The following SPOP variants were observed in gnomAD, a reference collection of about 807,000 sequenced individuals.
The protein encoded by SPOP is speckle type BTB/POZ protein.
In SPOP, 11 loss-of-function variants were observed where a neutral mutation model predicts 45.6. The observed-to-expected ratio is 0.24, with a 90% CI of 0.15 to 0.40. The LOEUF (loss-of-function observed/expected upper bound fraction) is 0.40. Ranked by LOEUF, SPOP falls within the 10% of genes least tolerant of loss-of-function variation. The pLI is 1.00. For missense variants in SPOP, 152 were observed against 465.6 expected, an observed-to-expected ratio of 0.33 and a Z score of 6.20; for synonymous variants, 166 against 166.3, an observed-to-expected ratio of 1.00 and a Z score of 0.01.
intron 1 of SPOP, among the ~76,000 whole-genome samples, chr17:49,647,259 G>A (rs373420371): frequency 1.1e-4 from 15 of 137,536 alleles, no homozygotes; most frequent in South Asian, 9.7e-4. Context: ...GCAGACAGCC[G>A]AGATCACGCC....
intron 1 of SPOP, among the ~76,000 whole-genome samples, chr17:49,641,001 G>A (rs980227076): frequency 1.3e-5 from 2 of 151,916 alleles, no homozygotes; most frequent in Non-Finnish European, 2.9e-5. Context: ...GGTGGCTCAC[G>A]CCTGTAATAC....
At chr17:49,613,387 G>A (rs1323856382) in intron 5 of SPOP, among the ~76,000 whole-genome samples, 5 of 152,190 alleles carry the variant, frequency 3.3e-5, no homozygotes, top group African/African-American at 1.2e-4. Context: ...TTGGCACTGG[G>A]TTCCTAGCTT....
intron 1 of SPOP, among the ~76,000 whole-genome samples, chr17:49,624,449 G>A (rs2072288840): frequency 6.6e-6 from 1 of 151,806 alleles, no homozygotes; most frequent in Admixed American, 6.6e-5. Flanking sequence ...ACATTATGCT[G>A]CATACCTCAA....
intron 7 of SPOP, among the ~76,000 whole-genome samples, chr17:49,607,646 A>C (rs1199480070): frequency 6.6e-6 from 1 of 152,148 alleles, no homozygotes. Context: ...ATATGTCTAA[A>C]TACCCTCACC....
At chr17:49,651,864 C>T (rs1379007605) in intron 1 of SPOP, among the ~76,000 whole-genome samples, 1 of 151,930 alleles carries the variant, frequency 6.6e-6, no homozygotes, top group Non-Finnish European at 1.5e-5. Context: ...ACTAAAAATA[C>T]AAAAATTAGC....
chr17:49,621,909 C>A, intron 3 of SPOP, 37 bp downstream of exon 3: 1 of 1,606,580 alleles, frequency 6.2e-7, no homozygotes, highest in South Asian at 1.1e-5. Flanking sequence ...CAGACAACTT[C>A]AGAAAAATTT....
intron 8 of SPOP, among the ~76,000 whole-genome samples, chr17:49,604,301 T>C (rs2071794260): frequency 6.6e-6 from 1 of 152,230 alleles, no homozygotes; most frequent in South Asian, 2.1e-4. Context: ...TATGGAATTT[T>C]CACATTGCTT....
chr17:49,620,189 A>G (rs927119859), intron 3 of SPOP, among the ~76,000 whole-genome samples: 2 of 151,564 alleles, frequency 1.3e-5, no homozygotes, highest in African/African-American at 4.9e-5. Flanking sequence ...AAAAGAAAAA[A>G]AAAAGAAATG....
intron 2 of SPOP, chr17:49,622,279 G>T: frequency 1.5e-6 from 1 of 651,016 alleles, no homozygotes; most frequent in Non-Finnish European, 2.8e-6. Context: ...CAGCTGCTGA[G>T]AACACTGGAT....
intron 1 of SPOP, among the ~76,000 whole-genome samples, chr17:49,659,743 A>T (rs976826287): frequency 7.2e-5 from 11 of 152,206 alleles, no homozygotes; most frequent in African/African-American, 2.7e-4. Context: ...CTGCCTACTT[A>T]ACATATTTAT....
rs2073228916 is a variant in SPOP, at chr17:49,678,069, A to T, written c.-203T>A. ...AGCGCGCACACTCACACACACACAT[A>T]CACACCGACACACACCAGCCGGGGC... On this transcript the variant is annotated 5_prime_UTR_variant, in exon 1 of 10. Coordinates refer to ENST00000504102, the MANE Select transcript of SPOP (RefSeq NM_001007228.2). The T allele has an allele frequency of 5.0e-6, 2 of 397,932 alleles. No homozygotes were observed. The highest frequency in any genetic ancestry group is 3.6e-5 in the East Asian group (1 of 28,012). 24.7% of individuals were successfully genotyped at this position (397,932 alleles called of 1,614,324 possible).
At chr17:49,639,316 T>C (rs759600106) in intron 1 of SPOP, among the ~76,000 whole-genome samples, 5 of 152,094 alleles carry the variant, frequency 3.3e-5, no homozygotes, top group Non-Finnish European at 7.4e-5. Context: ...ATCATACTGT[T>C]GGTAGGAGAA....
intron 8 of SPOP, among the ~76,000 whole-genome samples, chr17:49,604,964 T>C (rs1288468541): frequency 6.6e-6 from 1 of 152,240 alleles, no homozygotes; most frequent in Non-Finnish European, 1.5e-5. Flanking sequence ...AACATTAATA[T>C]GCTACATGTT....
At chr17:49,646,019 A>AT (rs2143464756) in intron 1 of SPOP, 1 of 152,346 alleles carries the variant, frequency 6.6e-6, no homozygotes, top group East Asian at 1.9e-4. Context: ...GAAAAAACAC[A>AT]TAAAAAGTAC....
chr17:49,634,982 A>G (rs2072517065), intron 1 of SPOP, among the ~76,000 whole-genome samples: 2 of 152,208 alleles, frequency 1.3e-5, no homozygotes, highest in Admixed American at 1.3e-4. Context: ...CCCATGAGAT[A>G]CTTTTCTTCC....
chr17:49,619,849 T>C lies in SPOP; in HGVS notation c.201-464A>G, dbSNP rs1567778561. On this transcript the variant is annotated intron_variant, in intron 3 of 9. Coordinates refer to ENST00000504102, the MANE Select transcript of SPOP (RefSeq NM_001007228.2). This position sits in a 1 kb window ranked among gnomAD's most constrained non-coding sequence, Gnocchi z 4.9. ...TGGGAACCACTTTCGTAAAGCAAAA[T>C]GGGTCACCTTTTAAAAAGTAAACAA... Among the ~76,000 whole-genome samples, 1 of 151,848 alleles carries C rather than the reference T, an allele frequency of 6.6e-6. No homozygotes were observed. The highest frequency in any genetic ancestry group is 1.5e-5 in the Non-Finnish European group (1 of 67,942).
At chr17:49,650,040 C>T (rs1242961614) in intron 1 of SPOP, among the ~76,000 whole-genome samples, 2 of 151,124 alleles carry the variant, frequency 1.3e-5, no homozygotes, top group Non-Finnish European at 2.9e-5. Context: ...TACAGGCATG[C>T]GCCACCATGC....
rs541119306 is a variant in SPOP at position 49,619,974 on chromosome 17, C to T, written c.201-589G>A. 5.3e-5 allele frequency among the ~76,000 whole-genome samples: 8 copies of T among 151,456 alleles called. No individual in the cohort carries two copies. The highest frequency in any genetic ancestry group is 3.5e-3 in the Middle Eastern group (1 of 284). ...AGGACTTCGAGGCCAGCCTGGCCAA[C>T]GTGGTGAAACCCCGTCTCTACTAAA... On this transcript the variant is annotated intron_variant, in intron 3 of 9. Transcript: ENST00000504102. This position sits in a 1 kb window ranked among gnomAD's most constrained non-coding sequence, Gnocchi z 4.9.
chr17:49,614,164 A>ATG (rs2072033788), intron 5 of SPOP, among the ~76,000 whole-genome samples: 3 of 152,228 alleles, frequency 2.0e-5, no homozygotes, highest in Non-Finnish European at 4.4e-5. Context: ...CTATATAATT[A>ATG]AAACAATCTA....
Sources: allele counts gnomAD v4.1 joint callset (sites outside exome capture counted in the v4.1 genomes callset), GRCh38; gene constraint gnomAD v4.1.1; non-coding constraint Gnocchi (gnomAD v3.1); transcripts MANE v1.5; gene names NCBI Gene and HGNC (gene_info 2026-07-23, HGNC 2026-07-21).